Variants in CIMAP3 observed in about 807,000 individuals in gnomAD.
CIMAP3 encodes the protein ciliary microtubule-associated protein 3.
chr1:111,339,470 C>T, the CIMAP3 span, among the ~76,000 whole-genome samples: 1 of 150,482 alleles, frequency 6.6e-6, no homozygotes, highest in Non-Finnish European at 1.5e-5. Flanking sequence ...TGTCTCAGCC[C>T]AAAATCTCCT....
the CIMAP3 span, among the ~76,000 whole-genome samples, chr1:111,326,602 G>A: frequency 6.6e-6 from 1 of 151,898 alleles, no homozygotes; most frequent in East Asian, 1.9e-4. Flanking sequence ...CACAAATGCA[G>A]GTATCCCTTT....
chr1:111,331,781 A>ATG, the CIMAP3 span, among the ~76,000 whole-genome samples: 1 of 151,746 alleles, frequency 6.6e-6, no homozygotes, highest in Non-Finnish European at 1.5e-5. Flanking sequence ...TGTCGTGTTA[A>ATG]TGTGTCCCTA....
At chr1:111,340,920 C>A in the CIMAP3 span, among the ~76,000 whole-genome samples, 3 of 151,958 alleles carry the variant, frequency 2.0e-5, no homozygotes, top group Non-Finnish European at 4.4e-5. Flanking sequence ...ATGTTTATTG[C>A]GACATTATTC....
At chr1:111,348,432 A>G in the CIMAP3 span, 2 of 1,294,286 alleles carry the variant, frequency 1.5e-6, no homozygotes, top group South Asian at 1.7e-5. Context: ...AAAGAGGATG[A>G]TTCTGTTTTT....
the CIMAP3 span, among the ~76,000 whole-genome samples, chr1:111,325,393 A>G: frequency 3.9e-5 from 6 of 152,214 alleles, no homozygotes; most frequent in Non-Finnish European, 5.9e-5. Context: ...CAAAGCCTTT[A>G]TTCATTCCTC....
the CIMAP3 span, among the ~76,000 whole-genome samples, chr1:111,332,486 G>A: frequency 6.6e-6 from 1 of 152,196 alleles, no homozygotes; most frequent in Non-Finnish European, 1.5e-5. Flanking sequence ...TGGCTGACCT[G>A]GGGGCATTTC....
At chr1:111,326,642 A>G in the CIMAP3 span, among the ~76,000 whole-genome samples, 1 of 152,054 alleles carries the variant, frequency 6.6e-6, no homozygotes, top group African/African-American at 2.4e-5. Flanking sequence ...TGGTAGTTCT[A>G]TTTTTAGATT....
the CIMAP3 span, among the ~76,000 whole-genome samples, chr1:111,341,327 G>A: frequency 2.0e-5 from 3 of 152,048 alleles, no homozygotes; most frequent in Non-Finnish European, 2.9e-5. Flanking sequence ...CCTGCACATT[G>A]TGCACATGTA....
At chr1:111,348,793 C>T in the CIMAP3 span, 6 of 810,678 alleles carry the variant, frequency 7.4e-6, no homozygotes, top group South Asian at 5.2e-5. Flanking sequence ...TCAATTGTCT[C>T]ACAGATTTCT....
chr1:111,331,863 C>T, the CIMAP3 span, among the ~76,000 whole-genome samples: 2 of 151,824 alleles, frequency 1.3e-5, no homozygotes, highest in Non-Finnish European at 2.9e-5. Flanking sequence ...TAAATAAAGA[C>T]TTATTTATAT....
the CIMAP3 span, chr1:111,350,300 G>C: frequency 8.5e-7 from 1 of 1,179,452 alleles, no homozygotes; most frequent in Non-Finnish European, 1.2e-6. Context: ...TCTTAATTAG[G>C]GGTCTGTGAA....
At chr1:111,348,388 T>G in the CIMAP3 span, 1 of 982,570 alleles carries the variant, frequency 1.0e-6, no homozygotes, top group Non-Finnish European at 1.5e-6. Flanking sequence ...TTCTGTAGCT[T>G]GAGGTGGCTG....
chr1:111,335,082 T>A, the CIMAP3 span, among the ~76,000 whole-genome samples: 1 of 127,562 alleles, frequency 7.8e-6, no homozygotes, highest in Non-Finnish European at 1.5e-5. Context: ...GAGCTGAGAT[T>A]GGGTCATTGC....
At chr1:111,330,593 C>T in the CIMAP3 span, among the ~76,000 whole-genome samples, 1 of 152,196 alleles carries the variant, frequency 6.6e-6, no homozygotes, top group Non-Finnish European at 1.5e-5. Context: ...TTTCAATGCT[C>T]TGAAATTGCA....
chr1:111,348,750 C>T, the CIMAP3 span: 5 of 1,159,346 alleles, frequency 4.3e-6, no homozygotes, highest in African/African-American at 1.6e-5. Flanking sequence ...TCCAAACCAT[C>T]GCAGTTAAAT....
the CIMAP3 span, among the ~76,000 whole-genome samples, chr1:111,328,680 TTC>T: frequency 2.6e-5 from 4 of 152,230 alleles, no homozygotes; most frequent in East Asian, 5.8e-4. Flanking sequence ...TCCTCCTTTT[TTC>T]TGTTTTCCAT....
chr1:111,351,166 GTTT>G, the CIMAP3 span: 41,697 of 563,824 alleles, frequency 0.074, 691 homozygotes, highest in African/African-American at 0.1. Context: ...ATAATGTACA[GTTT>G]TTTTTTTTTT....
At chr1:111,327,359 T>C in the CIMAP3 span, among the ~76,000 whole-genome samples, 1 of 152,134 alleles carries the variant, frequency 6.6e-6, no homozygotes, top group African/African-American at 2.4e-5. Flanking sequence ...CAAGATGATG[T>C]TGGCCTCATA....
the CIMAP3 span, chr1:111,346,825 A>C: frequency 6.3e-7 from 1 of 1,581,386 alleles, no homozygotes; most frequent in East Asian, 2.2e-5. Context: ...TCCTCTGCTC[A>C]GTCTCCCCGA....
Sources: allele counts gnomAD v4.1 joint callset (sites outside exome capture counted in the v4.1 genomes callset), GRCh38; gene constraint gnomAD v4.1.1; transcripts MANE v1.5; gene names NCBI Gene and HGNC (gene_info 2026-07-23, HGNC 2026-07-21).